KLHL11: variants seen among roughly 807,000 people sequenced by gnomAD.
KLHL11 encodes the protein kelch like family member 11.
A neutral mutation model predicts 56.1 loss-of-function variants in KLHL11; 26 were observed. That is an observed-to-expected ratio of 0.46 (90% CI 0.34 to 0.64). KLHL11 has a LOEUF of 0.64. Among genes scored for constraint, KLHL11 ranks in the 30% least tolerant of loss-of-function variants. The probability of loss-of-function intolerance (pLI) is 0.01; values close to 1 mark genes in which losing one functional copy is unlikely to be tolerated. For missense variants in KLHL11, 627 were observed against 919.4 expected (o/e 0.68, Z 4.11); for synonymous variants, 338 against 345.8 (o/e 0.98, Z 0.25).
chr17:41,850,376 A>T lies in KLHL11; in HGVS notation c.*3364T>A, dbSNP rs373822780. 12 of 152,336 alleles carry T rather than the reference A, an allele frequency of 7.9e-5. No homozygotes were observed. Among genetic ancestry groups the T allele is most frequent in the African/African-American group, 2.9e-4 (12 of 41,576 alleles). The allele number at this position is 152,336 out of a possible 1,614,324, so 9.4% of individuals were successfully genotyped here. On this transcript the variant is annotated 3_prime_UTR_variant, in exon 2 of 2. Coordinates refer to ENST00000319121, the MANE Select transcript of KLHL11 (RefSeq NM_018143.3). ...GCTAAGTTAAAAAACAACAGTTTCA[A>T]TCAAGGTTTTAAAACCAGATTATGC...
intron 1 of KLHL11, among the ~76,000 whole-genome samples, chr17:41,858,265 T>C (rs2048379086): frequency 6.9e-6 from 1 of 145,572 alleles, no homozygotes; most frequent in South Asian, 2.3e-4. Flanking sequence ...TTCTCACCGT[T>C]ACCCAGGCTG....
intron 1 of KLHL11, among the ~76,000 whole-genome samples, chr17:41,861,457 T>C (rs2048401982): frequency 6.6e-6 from 1 of 151,988 alleles, no homozygotes; most frequent in African/African-American, 2.4e-5. Context: ...CCCAGCACTT[T>C]GGGAGGCCAA....
At chr17:41,861,275 A>C (rs1555623035) in intron 1 of KLHL11, among the ~76,000 whole-genome samples, 1 of 152,108 alleles carries the variant, frequency 6.6e-6, no homozygotes, top group African/African-American at 2.4e-5. Context: ...CCTTTCTATA[A>C]CCACAGGATG....
intron 1 of KLHL11, among the ~76,000 whole-genome samples, chr17:41,860,795 C>T (rs1421185676): frequency 6.6e-6 from 1 of 152,116 alleles, no homozygotes; most frequent in Non-Finnish European, 1.5e-5. Context: ...CCCAATCCAC[C>T]AGCAGTTGTA....
chr17:41,858,548 T>C (rs928911651), intron 1 of KLHL11, among the ~76,000 whole-genome samples: 7 of 151,944 alleles, frequency 4.6e-5, no homozygotes, highest in Admixed American at 2.0e-4. Context: ...TTCTCCTGCC[T>C]CAGCCTCCCG....
chr17:41,864,401 C>A (rs1222284180), intron 1 of KLHL11, among the ~76,000 whole-genome samples: 1 of 152,228 alleles, frequency 6.6e-6, no homozygotes, highest in Non-Finnish European at 1.5e-5. Context: ...CTGGATCCTG[C>A]CTGAGGGCGT....
chr17:41,865,319 G>A lies in KLHL11; in HGVS notation c.52C>T (p.Leu18Phe), dbSNP rs782504185. 4.0e-6 allele frequency: 6 copies of A among 1,503,776 alleles called. No homozygotes were observed. The highest frequency in any genetic ancestry group is 5.3e-6 in the Non-Finnish European group (6 of 1,142,410). The allele number at this position is 1,503,776 out of a possible 1,614,324, so 93.2% of individuals were successfully genotyped here. A position where few individuals can be genotyped will look rare whatever the true frequency, so the allele number is the denominator to read the frequency against. ...AAAAAAAAAS[L>F]QVLEMESMET... ...ATGCTCTCCATCTCCAGTACCTGAA[G>A]AGATGCAGCCGCGGCCGCCGCCGCC... is the stretch of plus-strand genomic sequence containing the variant. The change falls in exon 1 of 2, where the codon CTT (leucine) becomes TTT (phenylalanine). Residue 18 changes from leucine (L) to phenylalanine (F), a missense_variant. Physicochemically the swap from Leu to Phe is conservative, Grantham distance 22. Coordinates refer to ENST00000319121, the MANE Select transcript of KLHL11 (RefSeq NM_018143.3).
rs2048348184 is a variant in KLHL11 at position 41,853,986 on chromosome 17, A to G, written c.1881T>C (p.Tyr627=). The change falls in exon 2 of 2, where the codon TAT becomes TAC. Residue 627 remains tyrosine, a synonymous_variant. Transcript: ENST00000319121. ...CACAATATCGGTAGGCTTCTTTCCG[A>G]TACTGTTTATCAATATCATCACTGT... ...WKNSDDIDKQ[Y]RKEAYRYCAE... 6.2e-7 allele frequency: 1 copy of G among 1,614,038 alleles called. No homozygotes were observed. The highest frequency in any genetic ancestry group is 8.5e-7 in the Non-Finnish European group (1 of 1,180,046).
At chr17:41,858,402 A>ATT (rs1252002377) in intron 1 of KLHL11, among the ~76,000 whole-genome samples, 1 of 77,210 alleles carries the variant, frequency 1.3e-5, no homozygotes, top group Non-Finnish European at 2.7e-5. Context: ...ATATATATAT[A>ATT]TATTTTTTGT....
rs2048347991 is a variant in KLHL11 at position 41,853,962 on chromosome 17, A to G, written c.1905T>C (p.Cys635=). The change falls in exon 2 of 2, where the codon TGT becomes TGC. Residue 635 remains cysteine, a synonymous_variant. Coordinates refer to ENST00000319121, the MANE Select transcript of KLHL11 (RefSeq NM_018143.3). ...KQYRKEAYRY[C]AERKRWMLLP... is the part of the protein sequence containing the mutation. ...GAAGCATCCACCTCTTCCTCTCCGC[A>G]CAATATCGGTAGGCTTCTTTCCGAT... 3.1e-6 allele frequency: 5 copies of G among 1,614,078 alleles called. No individual in the cohort carries two copies. The Admixed American group carries it at 5.0e-5, about 16-fold the overall frequency.
chr17:41,852,468 C>T lies in KLHL11; in HGVS notation c.*1272G>A, dbSNP rs941782611. Among the ~76,000 whole-genome samples, 2 of 152,014 alleles carry T rather than the reference C, an allele frequency of 1.3e-5. No homozygotes were observed. Among genetic ancestry groups the T allele is most frequent in the African/African-American group, 4.8e-5 (2 of 41,394 alleles). On this transcript the variant is annotated 3_prime_UTR_variant, in exon 2 of 2. Coordinates refer to ENST00000319121, the MANE Select transcript of KLHL11 (RefSeq NM_018143.3). ...ATTTCTCTAAATTGTGACTTCCTTCCCATTTTGGAAAAAAACAGTTTCTTG... is the reference window on the plus strand; with the variant it reads ...ATTTCTCTAAATTGTGACTTCCTTCTCATTTTGGAAAAAAACAGTTTCTTG...
intron 1 of KLHL11, among the ~76,000 whole-genome samples, chr17:41,860,854 C>T (rs1338744546): frequency 2.0e-5 from 3 of 152,088 alleles, no homozygotes; most frequent in Admixed American, 2.0e-4. Context: ...GGATTCTACA[C>T]TGAAGAATAA....
chr17:41,865,327 G>A lies in KLHL11; in HGVS notation c.44C>T (p.Ala15Val). Reference sequence around the variant, plus strand: ...CATCTCCAGTACCTGAAGAGATGCAGCCGCGGCCGCCGCCGCCGCCGCCGC... The same window carrying A: ...CATCTCCAGTACCTGAAGAGATGCAACCGCGGCCGCCGCCGCCGCCGCCGC... ...AVAAAAAAAA[A>V]ASLQVLEMES... Residue 15 changes from alanine (A) to valine (V), a missense_variant, in exon 1 of 2, where the codon GCT (alanine) becomes GTT (valine). Transcript: ENST00000319121. The A allele has an allele frequency of 2.1e-6, 3 of 1,446,692 alleles. No individual in the cohort carries two copies. Among genetic ancestry groups the A allele is most frequent in the Non-Finnish European group, 2.7e-6 (3 of 1,113,194 alleles). The allele number at this position is 1,446,692 out of a possible 1,614,324, so 89.6% of individuals were successfully genotyped here. A position where few individuals can be genotyped will look rare whatever the true frequency, so the allele number is the denominator to read the frequency against.
chr17:41,864,900 T>G lies in KLHL11; in HGVS notation c.471A>C (p.Val157=). ...PGPEPDTVEA[V]IEYMYTGRIR... is the part of the protein sequence containing the mutation. The stretch of plus-strand genomic sequence containing the variant: ...TGCGCCCGGTGTACATGTACTCGAT[T>G]ACGGCTTCCACTGTGTCGGGTTCGG... Residue 157 remains valine (V), a synonymous_variant, in exon 1 of 2, where the codon GTA becomes GTC. Transcript: ENST00000319121. 6.2e-7 allele frequency: 1 copy of G among 1,608,548 alleles called. No individual in the cohort carries two copies. Among genetic ancestry groups the G allele is most frequent in the South Asian group, 1.1e-5 (1 of 89,952 alleles).
chr17:41,864,794 C>A lies in KLHL11; in HGVS notation c.545+32G>T, dbSNP rs564887707. 159 of 1,484,584 alleles carry A rather than the reference C, an allele frequency of 1.1e-4. 1 individual carries two copies. In the East Asian group the frequency reaches 3.9e-3, roughly 37 times the overall value. 92.0% of individuals were successfully genotyped at this position (1,484,584 alleles called of 1,614,324 possible). ...GAGCATCTCCCCCTCTCCGCGCCCG[C>A]CGCCCTCCGCGCTCCCGCCTCCCTC... On this transcript the variant is annotated intron_variant, in intron 1 of 1. Coordinates refer to ENST00000319121, the MANE Select transcript of KLHL11 (RefSeq NM_018143.3).
chr17:41,855,614 G>A (rs936921526), intron 1 of KLHL11, among the ~76,000 whole-genome samples: 19 of 151,466 alleles, frequency 1.3e-4, no homozygotes, highest in African/African-American at 3.4e-4. Flanking sequence ...AAAGTGATCC[G>A]CCCGCCTTGG....
chr17:41,853,012 A>G lies in KLHL11; in HGVS notation c.*728T>C, dbSNP rs1197027441. 1.3e-5 allele frequency among the ~76,000 whole-genome samples: 2 copies of G among 152,214 alleles called. No homozygotes were observed. Among genetic ancestry groups the G allele is most frequent in the Non-Finnish European group, 2.9e-5 (2 of 68,036 alleles). On this transcript the variant is annotated 3_prime_UTR_variant, in exon 2 of 2. Coordinates refer to ENST00000319121, the MANE Select transcript of KLHL11 (RefSeq NM_018143.3). ...CTTCTTAGAGAAACAAAGTTCACAC[A>G]TGTAACTTGCTCTGTATTTAGTCAA...
At chr17:41,863,108 C>T (rs1303684262) in intron 1 of KLHL11, among the ~76,000 whole-genome samples, 1 of 152,116 alleles carries the variant, frequency 6.6e-6, no homozygotes, top group African/African-American at 2.4e-5. Context: ...GAAGCCTCCA[C>T]CACCACTGCC....
At chr17:41,855,813 A>T (rs1180915076) in intron 1 of KLHL11, among the ~76,000 whole-genome samples, 1 of 150,112 alleles carries the variant, frequency 6.7e-6, no homozygotes, top group East Asian at 2.0e-4. Flanking sequence ...CTGGGATTAC[A>T]GGCGTGTGCC....
Sources: allele counts gnomAD v4.1 joint callset (sites outside exome capture counted in the v4.1 genomes callset), GRCh38; gene constraint gnomAD v4.1.1; transcripts MANE v1.5; gene names NCBI Gene and HGNC (gene_info 2026-07-23, HGNC 2026-07-21).